Variants in PALM2AKAP2 observed in about 807,000 individuals in gnomAD.
The protein encoded by PALM2AKAP2 is PALM2 and AKAP2 fusion.
PALM2AKAP2 carries 37 observed loss-of-function variants against 71.5 expected under a neutral mutation model. The ratio of observed to expected loss-of-function variants is 0.52; its 90% confidence interval spans 0.40 to 0.68. The LOEUF is 0.68. PALM2AKAP2 is among the 30% of genes least tolerant of loss of function. The pLI, the probability that PALM2AKAP2 is intolerant of heterozygous loss-of-function variation, is 0.00. For synonymous variants in PALM2AKAP2, 468 were observed against 478.8 expected (o/e 0.98, Z 0.29); for missense variants, 1,224 against 1,191.8 (o/e 1.03, Z -0.40).
At chr9:109,785,717 T>A (rs1826944232) in intron 1 of PALM2AKAP2, among the ~76,000 whole-genome samples, 1 of 152,134 alleles carries the variant, frequency 6.6e-6, no homozygotes, top group African/African-American at 2.4e-5. Context: ...CATGTCCCCG[T>A]GATTCAATTA....
intron 3 of PALM2AKAP2, among the ~76,000 whole-genome samples, chr9:109,910,913 C>T (rs1178639245): frequency 2.0e-5 from 3 of 152,170 alleles, no homozygotes; most frequent in African/African-American, 4.8e-5. Context: ...GCAACTAGAA[C>T]AGGATGCAGG....
Position 110,138,548 on chromosome 9 carries a change from G to A in PALM2AKAP2, c.2569+9G>A. On this transcript the variant is annotated intron_variant, in intron 2 of 3. Transcript: ENST00000374525. ...CTACAAAACTGCTCCAGGTAAGTGA[G>A]GTGCCTCACATGAGAGACAGATGCC... 7.0e-6 allele frequency: 11 copies of A among 1,580,072 alleles called. No individual in the cohort carries two copies. Among genetic ancestry groups the A allele is most frequent in the African/African-American group, 1.4e-5 (1 of 73,916 alleles).
At chr9:109,652,797 A>C (rs888544256) in intron 1 of PALM2AKAP2, among the ~76,000 whole-genome samples, 9 of 152,204 alleles carry the variant, frequency 5.9e-5, no homozygotes, top group African/African-American at 2.2e-4. Flanking sequence ...AATGAGAAAC[A>C]TAGTTGGTCA....
At chr9:109,666,231 A>T (rs1827483002) in intron 1 of PALM2AKAP2, among the ~76,000 whole-genome samples, 1 of 152,128 alleles carries the variant, frequency 6.6e-6, no homozygotes, top group Non-Finnish European at 1.5e-5. Flanking sequence ...TGAACCAGGT[A>T]CCTCAGTTGG....
At chr9:109,654,427 G>A (rs981072293) in intron 1 of PALM2AKAP2, among the ~76,000 whole-genome samples, 1 of 152,182 alleles carries the variant, frequency 6.6e-6, no homozygotes, top group Admixed American at 6.5e-5. Context: ...TGGGAGCTAA[G>A]CTTTATAAAG....
At chr9:109,694,713 GA>G (rs1242431573) in intron 1 of PALM2AKAP2, among the ~76,000 whole-genome samples, 1 of 152,012 alleles carries the variant, frequency 6.6e-6, no homozygotes, top group African/African-American at 2.4e-5. Context: ...TGCCAGAGTA[GA>G]AAGGAAGATT....
chr9:110,000,981 G>T (rs1468724514), intron 6 of PALM2AKAP2, among the ~76,000 whole-genome samples: 3 of 152,178 alleles, frequency 2.0e-5, no homozygotes, highest in Non-Finnish European at 1.5e-5. Context: ...CACTCTGATG[G>T]TAGTTTCTTT....
At chr9:109,987,031 A>T (rs1369476210) in intron 6 of PALM2AKAP2, among the ~76,000 whole-genome samples, 1 of 152,224 alleles carries the variant, frequency 6.6e-6, no homozygotes, top group African/African-American at 2.4e-5. Flanking sequence ...TATTGCCATG[A>T]CATTGAATTG....
intron 1 of PALM2AKAP2, among the ~76,000 whole-genome samples, chr9:109,851,586 C>A (rs1037090379): frequency 2.0e-5 from 3 of 152,126 alleles, no homozygotes; most frequent in Non-Finnish European, 4.4e-5. Context: ...AAGCAAAGTA[C>A]CATGGAAGGA....
At chr9:110,166,663 A>G (rs560751951) in intron 3 of PALM2AKAP2, among the ~76,000 whole-genome samples, 2 of 152,340 alleles carry the variant, frequency 1.3e-5, no homozygotes, top group South Asian at 4.1e-4. Flanking sequence ...GTGCTTAACA[A>G]TGCATCATTC....
At chr9:109,899,683 T>G (rs1830286163) in intron 3 of PALM2AKAP2, among the ~76,000 whole-genome samples, 2 of 152,216 alleles carry the variant, frequency 1.3e-5, no homozygotes, top group African/African-American at 4.8e-5. Context: ...ATTCCATTGC[T>G]GACCACTCCA....
chr9:109,782,470 C>T (rs1460848095), intron 1 of PALM2AKAP2, among the ~76,000 whole-genome samples: 1 of 152,148 alleles, frequency 6.6e-6, no homozygotes, highest in Admixed American at 6.5e-5. Context: ...TGAACATGTA[C>T]AGACTTTTTC....
intron 6 of PALM2AKAP2, among the ~76,000 whole-genome samples, chr9:109,968,320 T>A (rs1831995974): frequency 6.6e-6 from 1 of 152,094 alleles, no homozygotes; most frequent in Non-Finnish European, 1.5e-5. Context: ...ACCTCCTTCT[T>A]CCACTAAATG....
intron 1 of PALM2AKAP2, among the ~76,000 whole-genome samples, chr9:109,695,222 A>C (rs1351908267): frequency 6.6e-6 from 1 of 152,232 alleles, no homozygotes; most frequent in Non-Finnish European, 1.5e-5. Flanking sequence ...GCAAAGTCAA[A>C]AGCGACTTAG....
chr9:109,695,405 T>C (rs750120074), intron 1 of PALM2AKAP2, among the ~76,000 whole-genome samples: 4 of 152,180 alleles, frequency 2.6e-5, no homozygotes, highest in Non-Finnish European at 5.9e-5. Flanking sequence ...TGTACTACTT[T>C]ACATTCCCAC....
intron 1 of PALM2AKAP2, among the ~76,000 whole-genome samples, chr9:109,832,699 A>G (rs1370608876): frequency 6.6e-6 from 1 of 152,226 alleles, no homozygotes; most frequent in South Asian, 2.1e-4. Context: ...CTTCTCAGCC[A>G]TAGTGCCAAA....
intron 1 of PALM2AKAP2, among the ~76,000 whole-genome samples, chr9:109,655,835 A>G (rs1236892642): frequency 1.3e-5 from 2 of 152,132 alleles, no homozygotes. Context: ...TCATTCATCT[A>G]TTGATGGACA....
intron 3 of PALM2AKAP2, among the ~76,000 whole-genome samples, chr9:110,164,986 GA>G (rs1836699765): frequency 6.6e-6 from 1 of 152,152 alleles, no homozygotes; most frequent in South Asian, 2.1e-4. Flanking sequence ...TCTGCACCCA[GA>G]GTGCAGAGTT....
chr9:110,171,982 T>C (rs943539409), exon 4 of PALM2AKAP2: 1 of 152,600 alleles, frequency 6.6e-6, no homozygotes, highest in African/African-American at 2.4e-5. Context: ...TTCATACCCA[T>C]GCATGCTGCT....
Sources: allele counts gnomAD v4.1 joint callset (sites outside exome capture counted in the v4.1 genomes callset), GRCh38; gene constraint gnomAD v4.1.1; transcripts MANE v1.5; gene names NCBI Gene and HGNC (gene_info 2026-07-23, HGNC 2026-07-21).